Variants in HAUS1 observed in about 807,000 individuals in gnomAD.
HAUS1 encodes HAUS augmin like complex subunit 1, also known as HAUS augmin-like complex subunit 1.
A neutral mutation model predicts 38.6 loss-of-function variants in HAUS1; 25 were observed. The ratio of observed to expected loss-of-function variants is 0.65; its 90% CI spans 0.47 to 0.91. The LOEUF is 0.91. Ranked by LOEUF, HAUS1 falls within the 40% of genes least tolerant of loss-of-function variation. The pLI is 0.00. For synonymous variants in HAUS1, 109 were observed against 112.9 expected (o/e 0.97, Z 0.22); for missense variants, 325 against 328.4 (o/e 0.99, Z 0.08).
At chr18:46,116,753 C>A (rs1670629330) in intron 2 of HAUS1, among the ~76,000 whole-genome samples, 1 of 152,064 alleles carries the variant, frequency 6.6e-6, no homozygotes, top group Non-Finnish European at 1.5e-5. Context: ...TGGCTCACGC[C>A]TGTAATCTCA....
chr18:46,110,867 CTT>C (rs199603295), intron 2 of HAUS1, among the ~76,000 whole-genome samples: 1,637 of 137,194 alleles, frequency 0.012, 35 homozygotes, highest in African/African-American at 0.044. Context: ...TTTTTTTTCT[CTT>C]GCTGCTTTCA....
Position 46,104,445 on chromosome 18 carries a change from A to G in HAUS1, c.30+4A>G. ...GCAGGAGGAGAGAGAAACGCAGGTG[A>G]TGGGGCGGGAATGGGGATCGTTGGC... On this transcript the variant is annotated splice_donor_region_variant and intron_variant, in intron 1 of 8. Transcript: ENST00000282058. 6.8e-7 allele frequency: 1 copy of G among 1,466,432 alleles called. No homozygotes were observed. Among genetic ancestry groups the G allele is most frequent in the African/African-American group, 1.4e-5 (1 of 69,504 alleles). The allele number at this position is 1,466,432 out of a possible 1,614,324, so 90.8% of individuals were successfully genotyped here.
At chr18:46,107,025 A>T (rs1367056041) in intron 2 of HAUS1, among the ~76,000 whole-genome samples, 3 of 152,042 alleles carry the variant, frequency 2.0e-5, no homozygotes, top group South Asian at 2.1e-4. Flanking sequence ...CAACAAAAAA[A>T]AATTAATTAA....
intron 4 of HAUS1, among the ~76,000 whole-genome samples, chr18:46,120,819 C>T (rs1251522385): frequency 6.6e-6 from 1 of 152,156 alleles, no homozygotes; most frequent in Non-Finnish European, 1.5e-5. Context: ...CTCCTGACCT[C>T]AAGTGGTCCA....
At chr18:46,106,362 G>C (rs1223658460) in intron 2 of HAUS1, among the ~76,000 whole-genome samples, 2 of 151,992 alleles carry the variant, frequency 1.3e-5, no homozygotes, top group East Asian at 3.9e-4. Flanking sequence ...CCAGCTGCTC[G>C]GAAGGCTGAG....
chr18:46,123,144 G>C (rs1466631925), intron 5 of HAUS1, 155 bp from the exon 6 acceptor site: 3 of 570,272 alleles, frequency 5.3e-6, no homozygotes, highest in Non-Finnish European at 9.6e-6. Context: ...CCGGGAGGCG[G>C]AGTTTGCAGA....
intron 4 of HAUS1, among the ~76,000 whole-genome samples, chr18:46,122,000 C>A (rs979725716): frequency 6.6e-6 from 1 of 152,066 alleles, no homozygotes; most frequent in African/African-American, 2.4e-5. Flanking sequence ...TGCCACCATG[C>A]CTGGCTAATT....
chr18:46,123,055 T>C lies in HAUS1; in HGVS notation c.601-244T>C, dbSNP rs1911990754. 26 of 395,778 alleles carry C rather than the reference T, an allele frequency of 6.6e-5. 1 individual carries two copies. The South Asian group carries it at 7.4e-4, about 11-fold the overall frequency. 24.5% of individuals were successfully genotyped at this position (395,778 alleles called of 1,614,324 possible). A position where few individuals can be genotyped will look rare whatever the true frequency, so the allele number is the denominator to read the frequency against. The stretch of plus-strand genomic sequence containing the variant: ...TGAAACCCCGTCTCTACTAAAAATA[T>C]AAAAAATTAGCCGGGCGTGGTGGTG... On this transcript the variant is annotated intron_variant, in intron 5 of 8. Transcript: ENST00000282058.
chr18:46,115,265 G>C (rs1021545671), intron 2 of HAUS1: 4 of 152,302 alleles, frequency 2.6e-5, no homozygotes, highest in Non-Finnish European at 4.4e-5. Flanking sequence ...TTTGAGACCA[G>C]CTTTGCCAAA....
intron 4 of HAUS1, among the ~76,000 whole-genome samples, chr18:46,122,068 C>T (rs904923639): frequency 1.1e-4 from 16 of 152,166 alleles, no homozygotes; most frequent in African/African-American, 2.9e-4. Flanking sequence ...TCTCGAACTC[C>T]TGACCTCAGG....
chr18:46,121,018 CT>C (rs1183385069), intron 4 of HAUS1, among the ~76,000 whole-genome samples: 1 of 152,172 alleles, frequency 6.6e-6, no homozygotes, highest in Non-Finnish European at 1.5e-5. Flanking sequence ...TCTTATGATA[CT>C]TTAGGCCTTT....
At chr18:46,121,544 A>G (rs1433338463) in intron 4 of HAUS1, 1 of 152,102 alleles carries the variant, frequency 6.6e-6, no homozygotes, top group African/African-American at 2.4e-5. Context: ...GAAATAAACT[A>G]TACAAAATTG....
chr18:46,118,126 G>T, intron 2 of HAUS1, 55 bp from the exon 3 acceptor site: 3 of 1,575,346 alleles, frequency 1.9e-6, no homozygotes, highest in Non-Finnish European at 2.6e-6. Context: ...TGATAAAGCT[G>T]TTAAAAATTT....
intron 2 of HAUS1, among the ~76,000 whole-genome samples, chr18:46,109,308 C>T (rs1911558701): frequency 6.6e-6 from 1 of 152,090 alleles, no homozygotes; most frequent in Non-Finnish European, 1.5e-5. Context: ...GGAAGTCCGC[C>T]CCCATGATCC....
chr18:46,127,216 C>T (rs1160402965), intron 8 of HAUS1, among the ~76,000 whole-genome samples: 1 of 151,906 alleles, frequency 6.6e-6, no homozygotes, highest in African/African-American at 2.4e-5. Flanking sequence ...AAGTAATCCA[C>T]CTGCTTTGGC....
At chr18:46,107,288 G>C (rs1370541662) in intron 2 of HAUS1, among the ~76,000 whole-genome samples, 2 of 151,940 alleles carry the variant, frequency 1.3e-5, no homozygotes, top group African/African-American at 4.8e-5. Flanking sequence ...GCAGAGAAAG[G>C]GACTTGGAGC....
chr18:46,123,587 G>A (rs1363888606), intron 6 of HAUS1, among the ~76,000 whole-genome samples: 3 of 152,022 alleles, frequency 2.0e-5, no homozygotes, highest in Non-Finnish European at 2.9e-5. Flanking sequence ...TAGAAACTCC[G>A]CTGGAGTCAC....
chr18:46,123,264 T>G (rs746638363), intron 5 of HAUS1, 35 bp from the exon 6 acceptor site: 2 of 1,450,590 alleles, frequency 1.4e-6, no homozygotes, highest in Non-Finnish European at 1.9e-6. Context: ...TTTCAAATAA[T>G]TTTTTAACTG....
intron 2 of HAUS1, among the ~76,000 whole-genome samples, chr18:46,112,985 T>A (rs1244764736): frequency 2.5e-5 from 1 of 40,538 alleles, no homozygotes; most frequent in African/African-American, 1.2e-4. Flanking sequence ...ATTATATATA[T>A]AATATATATT....
Sources: allele counts gnomAD v4.1 joint callset (sites outside exome capture counted in the v4.1 genomes callset), GRCh38; gene constraint gnomAD v4.1.1; transcripts MANE v1.5; gene names NCBI Gene and HGNC (gene_info 2026-07-23, HGNC 2026-07-21).